BCKDHB: variants seen among roughly 807,000 people sequenced by gnomAD.
The protein encoded by BCKDHB is 2-oxoisovalerate dehydrogenase subunit beta, mitochondrial.
BCKDHB carries 41 observed loss-of-function variants against 48.5 expected under a neutral mutation model. The ratio of observed to expected loss-of-function variants is 0.85; its 90% CI spans 0.66 to 1.10. The LOEUF is 1.10. BCKDHB is among the 50% of genes least tolerant of loss of function. The pLI is 0.00. For synonymous variants in BCKDHB, 201 were observed against 174.8 expected, an observed-to-expected ratio of 1.15 and a Z score of -1.18; for missense variants, 496 against 494.2, an observed-to-expected ratio of 1.00 and a Z score of -0.03.
downstream of BCKDHB, among the ~76,000 whole-genome samples, chr6:80,348,774 G>T (rs757351266): frequency 1.4e-4 from 22 of 152,094 alleles, no homozygotes; most frequent in Non-Finnish European, 2.1e-4. Flanking sequence ...AGTCACATTG[G>T]AACCTCCAGG....
At chr6:80,367,269 AAAT>A in the BCKDHB span, among the ~76,000 whole-genome samples, 1 of 152,104 alleles carries the variant, frequency 6.6e-6, no homozygotes, top group Non-Finnish European at 1.5e-5. Flanking sequence ...AGTAAAGAAA[AAAT>A]AAAATTTTTA....
chr6:80,206,156 C>G (rs1363621027), intron 8 of BCKDHB, among the ~76,000 whole-genome samples: 1 of 152,036 alleles, frequency 6.6e-6, no homozygotes, highest in Non-Finnish European at 1.5e-5. Context: ...ATCATACTCT[C>G]AATTGAAAGC....
chr6:80,169,870 A>G (rs377550081), intron 5 of BCKDHB: 407 of 1,603,914 alleles, frequency 2.5e-4, no homozygotes, highest in Non-Finnish European at 3.2e-4. Flanking sequence ...AATGTGAGCT[A>G]GAAGTTGTAG....
At chr6:80,454,203 G>A in the BCKDHB span, 1 of 152,194 alleles carries the variant, frequency 6.6e-6, no homozygotes, top group Non-Finnish European at 1.5e-5. Flanking sequence ...AAGCACAGAT[G>A]TAATTTTGAG....
At chr6:80,334,464 C>T (rs1179990578) in intron 9 of BCKDHB, among the ~76,000 whole-genome samples, 4 of 151,948 alleles carry the variant, frequency 2.6e-5, no homozygotes, top group Non-Finnish European at 2.9e-5. Context: ...TTTCTGATTA[C>T]ATTTCCCTAA....
At chr6:80,428,605 C>G in the BCKDHB span, among the ~76,000 whole-genome samples, 1 of 152,158 alleles carries the variant, frequency 6.6e-6, no homozygotes, top group Admixed American at 6.5e-5. Flanking sequence ...TTTTGATTAG[C>G]ATTTCTCTAA....
At chr6:80,287,488 G>GTTGATACAGGAT (rs1169131575) in intron 9 of BCKDHB, among the ~76,000 whole-genome samples, 10 of 150,158 alleles carry the variant, frequency 6.7e-5, no homozygotes, top group African/African-American at 2.5e-4. Flanking sequence ...TTAATGTAAT[G>GTTGATACAGGAT]TTGATACAGG....
At chr6:80,288,212 C>CCTTT (rs1179235485) in intron 9 of BCKDHB, among the ~76,000 whole-genome samples, 1 of 151,670 alleles carries the variant, frequency 6.6e-6, no homozygotes, top group African/African-American at 2.4e-5. Flanking sequence ...AAAAAATGAT[C>CCTTT]CTTTCTATTA....
chr6:80,446,502 G>C, the BCKDHB span, among the ~76,000 whole-genome samples: 2 of 152,170 alleles, frequency 1.3e-5, no homozygotes, highest in African/African-American at 4.8e-5. Flanking sequence ...TCAGGACTCA[G>C]CTGGGCCCTT....
rs1195691320 is a variant in BCKDHB at position 80,267,499 on chromosome 6, G to C, written c.952-5636G>C. Among the ~76,000 whole-genome samples the C allele has an allele frequency of 2.6e-5, 4 of 152,014 alleles. No homozygotes were observed. The East Asian group carries it at 7.7e-4, about 29-fold the overall frequency. On this transcript the variant is annotated intron_variant, in intron 8 of 9. Coordinates refer to ENST00000320393, the MANE Select transcript of BCKDHB (RefSeq NM_183050.4). ...AGAGTTGTATGAGATGGGTCTTGAG[G>C]GAGGGATAGAATGTCTGCCAGTGTG...
intron 6 of BCKDHB, among the ~76,000 whole-genome samples, chr6:80,199,204 A>G (rs776522086): frequency 4.6e-5 from 7 of 152,070 alleles, no homozygotes; most frequent in Non-Finnish European, 1.0e-4. Flanking sequence ...CTCCTAAGGT[A>G]GGGGATTTAC....
At chr6:80,392,362 AT>A in the BCKDHB span, among the ~76,000 whole-genome samples, 602 of 146,038 alleles carry the variant, frequency 4.1e-3, 1 homozygote, top group Non-Finnish European at 6.1e-3. Context: ...TTAGGGCTGT[AT>A]TTTTTTTTTA....
chr6:80,334,269 T>C (rs1203045737), intron 9 of BCKDHB, among the ~76,000 whole-genome samples: 1 of 152,150 alleles, frequency 6.6e-6, no homozygotes, highest in East Asian at 1.9e-4. Context: ...TGTGTTTTAA[T>C]GAATAGTTTG....
chr6:80,304,295 T>G (rs1767739926), intron 9 of BCKDHB, among the ~76,000 whole-genome samples: 1 of 152,130 alleles, frequency 6.6e-6, no homozygotes, highest in South Asian at 2.1e-4. Flanking sequence ...TTAATACCTT[T>G]TGCCATTGCT....
chr6:80,350,115 A>T (rs1465731320), downstream of BCKDHB, among the ~76,000 whole-genome samples: 8 of 152,078 alleles, frequency 5.3e-5, no homozygotes, highest in African/African-American at 1.9e-4. Flanking sequence ...TTCGAACTAC[A>T]TGGAAATAAA....
At chr6:80,447,850 G>T in the BCKDHB span, among the ~76,000 whole-genome samples, 2 of 152,146 alleles carry the variant, frequency 1.3e-5, no homozygotes, top group South Asian at 2.1e-4. Flanking sequence ...GACAAGTATT[G>T]TCATGCCATT....
intron 3 of BCKDHB, among the ~76,000 whole-genome samples, chr6:80,143,187 G>A (rs1444543536): frequency 6.6e-6 from 1 of 152,220 alleles, no homozygotes; most frequent in East Asian, 1.9e-4. Flanking sequence ...GGAGTTGCAT[G>A]TGTGATAGCC....
intron 1 of BCKDHB, among the ~76,000 whole-genome samples, chr6:80,111,873 G>A (rs900733990): frequency 2.6e-5 from 4 of 152,110 alleles, no homozygotes; most frequent in Non-Finnish European, 5.9e-5. Flanking sequence ...GGGCTACAGT[G>A]TTACCCAGAG....
chr6:80,307,902 A>C, intron 9 of BCKDHB: 1 of 973,820 alleles, frequency 1.0e-6, no homozygotes, highest in Non-Finnish European at 1.2e-6. Flanking sequence ...CATAAAAATT[A>C]TTCCCAAAAG....
Sources: gnomAD v4.1 joint callset for allele counts (sites outside exome capture counted in the v4.1 genomes callset) on GRCh38, gnomAD v4.1.1 for gene constraint, MANE v1.5 for transcripts, NCBI Gene and HGNC (gene_info 2026-07-23, HGNC 2026-07-21) for gene names.